BABAM2: variants seen among roughly 807,000 people sequenced by gnomAD.
BABAM2 encodes BRISC and BRCA1-A complex member 2.
In BABAM2, 31 loss-of-function variants were observed where a neutral mutation model predicts 54.7. That is an observed-to-expected ratio of 0.57 (90% CI 0.43 to 0.77). The LOEUF is 0.77. BABAM2 is among the 30% of genes least tolerant of loss of function. The probability of loss-of-function intolerance (pLI) is 0.00; values close to 1 mark genes in which losing one functional copy is unlikely to be tolerated. For missense variants in BABAM2, 364 were observed against 455.8 expected, an observed-to-expected ratio of 0.80 and a Z score of 1.83; for synonymous variants, 167 against 162.9, an observed-to-expected ratio of 1.03 and a Z score of -0.19.
intron 6 of BABAM2, among the ~76,000 whole-genome samples, chr2:28,082,200 A>G (rs985978580): frequency 7.2e-5 from 11 of 152,330 alleles, no homozygotes; most frequent in Middle Eastern, 3.4e-3. Flanking sequence ...TCAGCGTGAT[A>G]TATTTTTCAG....
At chr2:28,132,885 T>A (rs1308617879) in intron 7 of BABAM2, among the ~76,000 whole-genome samples, 1 of 152,220 alleles carries the variant, frequency 6.6e-6, no homozygotes, top group Non-Finnish European at 1.5e-5. Flanking sequence ...TTTAATGCCG[T>A]GCATAAATGC....
At chr2:28,284,971 T>C (rs1329576012) in intron 10 of BABAM2, among the ~76,000 whole-genome samples, 1 of 152,194 alleles carries the variant, frequency 6.6e-6, no homozygotes, top group African/African-American at 2.4e-5. Flanking sequence ...TATTATCCCA[T>C]TTTAAAGATG....
chr2:28,083,141 A>G (rs1665328684), intron 6 of BABAM2, among the ~76,000 whole-genome samples: 2 of 152,006 alleles, frequency 1.3e-5, no homozygotes, highest in South Asian at 4.2e-4. Flanking sequence ...GTACTTCATC[A>G]TCACTGCTCT....
chr2:28,234,702 AG>A, intron 7 of BABAM2, among the ~76,000 whole-genome samples: 1 of 152,346 alleles, frequency 6.6e-6, no homozygotes, highest in Non-Finnish European at 1.5e-5. Flanking sequence ...CTGTACCTAC[AG>A]GACATAAATA....
At chr2:27,905,537 C>T (rs970552168) in intron 2 of BABAM2, among the ~76,000 whole-genome samples, 2 of 151,832 alleles carry the variant, frequency 1.3e-5, no homozygotes, top group African/African-American at 2.4e-5. Context: ...ATAATGTTCA[C>T]GTTATGGTGG....
intron 2 of BABAM2, among the ~76,000 whole-genome samples, chr2:27,907,999 A>T (rs200718617): frequency 6.6e-6 from 1 of 152,196 alleles, no homozygotes; most frequent in East Asian, 1.9e-4. Flanking sequence ...ATACCTGTTT[A>T]AAGTCCCTGT....
At chr2:27,905,999 A>T (rs1666162148) in intron 2 of BABAM2, among the ~76,000 whole-genome samples, 1 of 152,236 alleles carries the variant, frequency 6.6e-6, no homozygotes. Flanking sequence ...GAGATTGAAC[A>T]CTGATTGTCT....
intron 4 of BABAM2, among the ~76,000 whole-genome samples, chr2:27,993,950 G>A (rs1302890946): frequency 6.6e-6 from 1 of 152,198 alleles, no homozygotes; most frequent in Non-Finnish European, 1.5e-5. Context: ...AAGCTGAAAT[G>A]GACTGCATGT....
At chr2:28,174,257 A>G (rs1271705592) in intron 7 of BABAM2, among the ~76,000 whole-genome samples, 1 of 152,256 alleles carries the variant, frequency 6.6e-6, no homozygotes, top group Non-Finnish European at 1.5e-5. Flanking sequence ...CAAAGGTGAT[A>G]TAGCAATGAA....
chr2:27,941,222 A>T (rs541788880), intron 3 of BABAM2, among the ~76,000 whole-genome samples: 1 of 152,312 alleles, frequency 6.6e-6, no homozygotes, highest in East Asian at 1.9e-4. Context: ...TGTTTCAGGA[A>T]TTCTTTCTAA....
intron 11 of BABAM2, among the ~76,000 whole-genome samples, chr2:28,303,021 T>G (rs114147093): frequency 6.6e-6 from 1 of 152,170 alleles, no homozygotes; most frequent in South Asian, 2.1e-4. Flanking sequence ...TTTCATTTTC[T>G]TTTTCCTTTT....
intron 5 of BABAM2, among the ~76,000 whole-genome samples, chr2:28,045,260 A>G (rs1204083128): frequency 6.6e-6 from 1 of 152,174 alleles, no homozygotes; most frequent in Non-Finnish European, 1.5e-5. Flanking sequence ...TGCTAGGTAG[A>G]AGTTTGACCT....
chr2:28,062,878 C>T (rs915691020), intron 6 of BABAM2, among the ~76,000 whole-genome samples: 3 of 152,196 alleles, frequency 2.0e-5, no homozygotes, highest in Non-Finnish European at 4.4e-5. Flanking sequence ...TTAATGTCAC[C>T]ACTAGCATTT....
chr2:28,180,029 T>A (rs1022151737), intron 7 of BABAM2, among the ~76,000 whole-genome samples: 16 of 152,186 alleles, frequency 1.1e-4, no homozygotes, highest in African/African-American at 3.9e-4. Context: ...ATTGTTAAAA[T>A]GACTATACTA....
Position 28,045,743 on chromosome 2 carries a change from C to T in BABAM2, c.514C>T (p.Arg172Cys), listed in dbSNP as rs150887846. 13 of 1,610,772 alleles carry T rather than the reference C, an allele frequency of 8.1e-6. No individual in the cohort carries two copies. Among genetic ancestry groups the T allele is most frequent in the Non-Finnish European group, 1.1e-5 (13 of 1,177,984 alleles). ...KNNWTGEFSA[R>C]FLLKLPVDFS... The stretch of plus-strand genomic sequence containing the variant: ...TTTACAGACTGGTGAATTTTCAGCT[C>T]GTTTCCTTTTGAAGCTGCCCGTAGA... Residue 172 changes from arginine to cysteine, a missense_variant, in exon 6 of 12, where the codon CGT becomes TGT. By Grantham distance (180) the Arg-to-Cys change is radical. Coordinates refer to ENST00000379624, the MANE Select transcript of BABAM2 (RefSeq NM_199191.3).
At chr2:28,233,352 CA>C (rs1354198279) in intron 7 of BABAM2, 2 of 453,188 alleles carry the variant, frequency 4.4e-6, no homozygotes, top group Admixed American at 5.1e-5. Context: ...AATCTCTGCA[CA>C]GGGTGAGTTT....
intron 7 of BABAM2, among the ~76,000 whole-genome samples, chr2:28,210,338 A>G (rs1439498683): frequency 1.3e-5 from 2 of 152,338 alleles, no homozygotes; most frequent in African/African-American, 2.4e-5. Context: ...GGGAGGGAAA[A>G]CAACATATGA....
upstream of BABAM2, among the ~76,000 whole-genome samples, chr2:27,888,847 T>C (rs1248894559): frequency 1.3e-5 from 2 of 152,204 alleles, no homozygotes; most frequent in Non-Finnish European, 2.9e-5. Context: ...ATTTACTATC[T>C]GGCCCTTTAC....
chr2:28,040,340 G>A (rs1256822767), intron 5 of BABAM2, among the ~76,000 whole-genome samples: 6 of 101,492 alleles, frequency 5.9e-5, no homozygotes, highest in Admixed American at 2.8e-4. Context: ...TCGCTCTGTC[G>A]CCCAGGCTGG....
Sources: allele counts gnomAD v4.1 joint callset (sites outside exome capture counted in the v4.1 genomes callset), GRCh38; gene constraint gnomAD v4.1.1; transcripts MANE v1.5; gene names NCBI Gene and HGNC (gene_info 2026-07-23, HGNC 2026-07-21).